NOXRED1: variants seen among roughly 807,000 people sequenced by gnomAD.
The protein encoded by NOXRED1 is NADP-dependent oxidoreductase domain-containing protein 1.
A neutral mutation model predicts 30.4 loss-of-function variants in NOXRED1; 20 were observed. The ratio of observed to expected loss-of-function variants is 0.66; its 90% CI spans 0.46 to 0.96. NOXRED1 has a LOEUF of 0.96. NOXRED1 is among the 40% of genes least tolerant of loss of function. The probability of loss-of-function intolerance (pLI) is 0.00; values close to 1 mark genes in which losing one functional copy is unlikely to be tolerated. For synonymous variants in NOXRED1, 155 were observed against 168.0 expected (o/e 0.92, Z 0.60); for missense variants, 374 against 428.0 (o/e 0.87, Z 1.11).
At chr14:77,416,457 G>A (rs988686762) in intron 1 of NOXRED1, among the ~76,000 whole-genome samples, 2 of 152,074 alleles carry the variant, frequency 1.3e-5, no homozygotes, top group Non-Finnish European at 2.9e-5. Flanking sequence ...ATCTTGCACC[G>A]CCCTTAATCC....
intron 5 of NOXRED1, among the ~76,000 whole-genome samples, chr14:77,396,335 CG>C (rs1473803692): frequency 2.0e-5 from 2 of 101,308 alleles, no homozygotes; most frequent in African/African-American, 6.0e-5. Flanking sequence ...CCACAACCTC[CG>C]CCTCCTGGGT....
intron 1 of NOXRED1, among the ~76,000 whole-genome samples, chr14:77,417,160 G>A (rs1009885409): frequency 3.3e-5 from 5 of 150,896 alleles, no homozygotes; most frequent in Admixed American, 1.3e-4. Context: ...AAAAAAAGAC[G>A]GTTGGTATGA....
At chr14:77,418,945 C>A (rs1282937287) in intron 1 of NOXRED1, among the ~76,000 whole-genome samples, 2 of 152,082 alleles carry the variant, frequency 1.3e-5, no homozygotes, top group African/African-American at 4.8e-5. Flanking sequence ...TTTTTGTATA[C>A]TTTTGTGTTG....
chr14:77,415,853 C>T (rs142092391), intron 1 of NOXRED1, among the ~76,000 whole-genome samples: 6 of 151,770 alleles, frequency 4.0e-5, no homozygotes, highest in African/African-American at 1.5e-4. Flanking sequence ...GGATTACAGG[C>T]GCGTGTCACC....
At position 77,422,794 on chromosome 14, in the gene NOXRED1, T is replaced by C; in HGVS notation, c.96A>G (p.Gly32=). 1 of 1,614,044 alleles carries C rather than the reference T, an allele frequency of 6.2e-7. No homozygotes were observed. The highest frequency in any genetic ancestry group is 8.5e-7 in the Non-Finnish European group (1 of 1,179,982). Reference sequence around the variant, plus strand: ...CATGGGCACAAGCCTCGATCATCAGTCCCCGAGAACGGCCCTGCAAATACA... The same window carrying C: ...CATGGGCACAAGCCTCGATCATCAGCCCCCGAGAACGGCCCTGCAAATACA... ...IWLYLQGRSR[G]LMIEACAHAT... is the part of the protein sequence containing the mutation. Residue 32 remains glycine, a synonymous_variant, in exon 1 of 6, where the codon GGA becomes GGG. Coordinates refer to ENST00000380835, the MANE Select transcript of NOXRED1 (RefSeq NM_001113475.3).
At chr14:77,406,204 A>G in intron 4 of NOXRED1, 69 bp from the exon 5 acceptor site, 1 of 1,107,488 alleles carries the variant, frequency 9.0e-7, no homozygotes, top group Non-Finnish European at 1.3e-6. Context: ...ACCTAGAATA[A>G]ACCCCTGACA....
chr14:77,417,705 CTTGTTT>C (rs1041466602), intron 1 of NOXRED1, among the ~76,000 whole-genome samples: 2 of 149,402 alleles, frequency 1.3e-5, no homozygotes, highest in Non-Finnish European at 3.0e-5. Context: ...TACGTTGGAT[CTTGTTT>C]TTGTTTTTGT....
At chr14:77,415,312 G>A (rs1236926430) in intron 1 of NOXRED1, among the ~76,000 whole-genome samples, 1 of 150,806 alleles carries the variant, frequency 6.6e-6, no homozygotes, top group African/African-American at 2.4e-5. Context: ...GCTGATGCCT[G>A]TAATCCCAGC....
intron 5 of NOXRED1, among the ~76,000 whole-genome samples, chr14:77,402,498 G>A (rs1175472946): frequency 6.6e-6 from 1 of 152,260 alleles, no homozygotes; most frequent in East Asian, 1.9e-4. Flanking sequence ...GCCAGGCATG[G>A]TGGTGCATGC....
chr14:77,406,147 T>G lies in NOXRED1; in HGVS notation c.683-12A>C. 1 of 1,590,030 alleles carries G rather than the reference T, an allele frequency of 6.3e-7. No homozygotes were observed. Among genetic ancestry groups the G allele is most frequent in the Non-Finnish European group, 8.6e-7 (1 of 1,159,386 alleles). On this transcript the variant is annotated splice_polypyrimidine_tract_variant and intron_variant, in intron 4 of 5. Transcript: ENST00000380835. ...GAGGATTATTCCCCCTACACATCAA[T>G]GAGAAGGTAAATACCAGTTAGCACC...
At chr14:77,405,165 C>T (rs1009575740) in intron 5 of NOXRED1, among the ~76,000 whole-genome samples, 1 of 152,162 alleles carries the variant, frequency 6.6e-6, no homozygotes, top group Admixed American at 6.5e-5. Flanking sequence ...TAGGCCAAGG[C>T]GGGCGGATCA....
At chr14:77,414,905 G>A (rs939765050) in intron 1 of NOXRED1, among the ~76,000 whole-genome samples, 1 of 151,934 alleles carries the variant, frequency 6.6e-6, no homozygotes, top group Non-Finnish European at 1.5e-5. Context: ...TGCTGGGTAC[G>A]GTGGCTCACA....
At chr14:77,398,287 T>TA (rs1894238697) in intron 5 of NOXRED1, among the ~76,000 whole-genome samples, 1 of 152,192 alleles carries the variant, frequency 6.6e-6, no homozygotes, top group Non-Finnish European at 1.5e-5. Flanking sequence ...TTCTCAGTGA[T>TA]ATCTGAGAAA....
intron 5 of NOXRED1, among the ~76,000 whole-genome samples, chr14:77,400,534 T>C (rs1894299414): frequency 1.3e-5 from 2 of 152,176 alleles, no homozygotes; most frequent in South Asian, 2.1e-4. Context: ...AAGATGTACA[T>C]TGGTTTGGTC....
At chr14:77,416,221 G>A (rs1273350213) in intron 1 of NOXRED1, among the ~76,000 whole-genome samples, 1 of 152,136 alleles carries the variant, frequency 6.6e-6, no homozygotes, top group African/African-American at 2.4e-5. Flanking sequence ...ATGTCATTGG[G>A]ATTTTGATAA....
chr14:77,407,419 G>A, intron 3 of NOXRED1, 46 bp downstream of exon 3: 4 of 1,412,062 alleles, frequency 2.8e-6, no homozygotes, highest in Non-Finnish European at 4.0e-6. Flanking sequence ...CAGAGATAAG[G>A]AGACAGAGCA....
Position 77,406,125 on chromosome 14 carries a change from G to T in NOXRED1, c.693C>A (p.Ile231=). ...TCPYSPAGGI[I]LNIKWLEGVF... The stretch of plus-strand genomic sequence containing the variant: ...CTCCCTCCAACCACTTGATATTGAG[G>T]ATTATTCCCCCTACACATCAATGAG... Residue 231 remains isoleucine, a synonymous_variant, in exon 5 of 6, where the codon ATC becomes ATA. Coordinates refer to ENST00000380835, the MANE Select transcript of NOXRED1 (RefSeq NM_001113475.3). 6.2e-7 allele frequency: 1 copy of T among 1,610,826 alleles called. No individual in the cohort carries two copies. Among genetic ancestry groups the T allele is most frequent in the Non-Finnish European group, 8.5e-7 (1 of 1,177,416 alleles).
chr14:77,394,323 A>ATAAC lies in NOXRED1; in HGVS notation c.*304_*307dup. 1 of 196,714 alleles carries ATAAC rather than the reference A, an allele frequency of 5.1e-6. No individual in the cohort carries two copies. Among genetic ancestry groups the ATAAC allele is most frequent in the Non-Finnish European group, 1.0e-5 (1 of 97,590 alleles). The allele number at this position is 196,714 out of a possible 1,614,324, so 12.2% of individuals were successfully genotyped here. A position where few individuals can be genotyped will look rare whatever the true frequency, so the allele number is the denominator to read the frequency against. On this transcript the variant is annotated 3_prime_UTR_variant, in exon 6 of 6. Transcript: ENST00000380835. ...GTAATTGTCTAAAACTTATAACATT[A>ATAAC]TAACTTCTTTAATTTTAGAAGAGAA...
At position 77,422,992 on chromosome 14, in the gene NOXRED1, T is replaced by C. The variant is rs1174708617; in HGVS notation, c.-103A>G. The stretch of plus-strand genomic sequence containing the variant: ...GGAGGTGTGTGTATGATGGTGTGTG[T>C]GCCCAGGTCACAAGCACTCATGATG... On this transcript the variant is annotated 5_prime_UTR_variant, in exon 1 of 6. Coordinates refer to ENST00000380835, the MANE Select transcript of NOXRED1 (RefSeq NM_001113475.3). The C allele has an allele frequency of 7.5e-6, 7 of 934,566 alleles. No individual in the cohort carries two copies. Among genetic ancestry groups the C allele is most frequent in the Non-Finnish European group, 1.2e-5 (7 of 607,074 alleles). The allele number at this position is 934,566 out of a possible 1,614,324, so 57.9% of individuals were successfully genotyped here.
Sources: allele counts gnomAD v4.1 joint callset (sites outside exome capture counted in the v4.1 genomes callset), GRCh38; gene constraint gnomAD v4.1.1; transcripts MANE v1.5; gene names NCBI Gene and HGNC (gene_info 2026-07-23, HGNC 2026-07-21).